Variants in DCAF17 observed in about 807,000 individuals in gnomAD.
DCAF17 encodes the protein DDB1 and CUL4 associated factor 17.
Under a neutral mutation model 66.0 loss-of-function variants are expected in DCAF17, and 48 were observed. The observed-to-expected ratio is 0.73, with a 90% CI of 0.58 to 0.92. The LOEUF is 0.92. Among genes scored for constraint, DCAF17 ranks in the 40% least tolerant of loss-of-function variants. The probability of loss-of-function intolerance (pLI) is 0.00; values close to 1 mark genes in which losing one functional copy is unlikely to be tolerated. For missense variants in DCAF17, 562 were observed against 622.8 expected, an observed-to-expected ratio of 0.90 and a Z score of 1.04; for synonymous variants, 206 against 214.6, an observed-to-expected ratio of 0.96 and a Z score of 0.35.
intron 8 of DCAF17, among the ~76,000 whole-genome samples, chr2:171,467,727 C>CAAA (rs34238683): frequency 4.4e-5 from 3 of 68,740 alleles, no homozygotes; most frequent in African/African-American, 5.8e-5. Context: ...GAGACTGTCT[C>CAAA]AAAAAAAAAA....
rs1440949713 is a variant in DCAF17, at chr2:171,482,454, C to G, written c.*1340C>G. On this transcript the variant is annotated 3_prime_UTR_variant, in exon 14 of 14. Coordinates refer to ENST00000375255, the MANE Select transcript of DCAF17 (RefSeq NM_025000.4). ...GGTGCTAGACATTGCCCCATACTTT[C>G]AATTAGACACTAGCTGTATCTAAAT... The G allele has an allele frequency of 4.4e-6, 2 of 453,838 alleles. No homozygotes were observed. The highest frequency in any genetic ancestry group is 3.1e-5 in the South Asian group (2 of 64,464). 28.1% of individuals were successfully genotyped at this position (453,838 alleles called of 1,614,324 possible). A position where few individuals can be genotyped will look rare whatever the true frequency, so the allele number is the denominator to read the frequency against.
intron 12 of DCAF17, 41 bp downstream of exon 12, chr2:171,478,111 C>G (rs753909220): frequency 2.0e-6 from 3 of 1,520,420 alleles, no homozygotes; most frequent in Non-Finnish European, 2.7e-6. Flanking sequence ...ACCAGTGTGT[C>G]CTTGCATTGT....
intron 2 of DCAF17, among the ~76,000 whole-genome samples, chr2:171,440,546 C>T (rs1694248465): frequency 6.6e-6 from 1 of 152,154 alleles, no homozygotes; most frequent in Non-Finnish European, 1.5e-5. Context: ...TGCACTCCAG[C>T]CTGAGCAACA....
chr2:171,434,362 C>T lies in DCAF17; in HGVS notation c.-216C>T. 1.2e-6 allele frequency: 1 copy of T among 805,086 alleles called. No individual in the cohort carries two copies. The highest frequency in any genetic ancestry group is 2.8e-5 in the East Asian group (1 of 35,706). 49.9% of individuals were successfully genotyped at this position (805,086 alleles called of 1,614,324 possible). On this transcript the variant is annotated 5_prime_UTR_variant, in exon 1 of 14. Coordinates refer to ENST00000375255, the MANE Select transcript of DCAF17 (RefSeq NM_025000.4). ...GGGGCAGATCGAAAAGGGAGTGCTTCTTCCCTTCTCTCCGCGCTCTGGCGG... is the reference window on the plus strand; with the variant it reads ...GGGGCAGATCGAAAAGGGAGTGCTTTTTCCCTTCTCTCCGCGCTCTGGCGG...
intron 8 of DCAF17, among the ~76,000 whole-genome samples, chr2:171,466,069 G>A (rs1314021550): frequency 6.6e-6 from 1 of 151,964 alleles, no homozygotes; most frequent in African/African-American, 2.4e-5. Flanking sequence ...TTGCCATGTT[G>A]CCCAGGCTGG....
At chr2:171,439,163 T>G (rs887295875) in intron 2 of DCAF17, among the ~76,000 whole-genome samples, 2 of 152,178 alleles carry the variant, frequency 1.3e-5, no homozygotes, top group Non-Finnish European at 2.9e-5. Flanking sequence ...TCACTTTTGA[T>G]TTTCTGCAGT....
At chr2:171,439,135 T>G (rs1428267657) in intron 2 of DCAF17, among the ~76,000 whole-genome samples, 4 of 152,146 alleles carry the variant, frequency 2.6e-5, no homozygotes, top group African/African-American at 9.7e-5. Flanking sequence ...TCATCTGGCT[T>G]CTTTCAAGAT....
chr2:171,463,800 G>T (rs972470279), intron 8 of DCAF17, among the ~76,000 whole-genome samples: 1 of 152,070 alleles, frequency 6.6e-6, no homozygotes, highest in South Asian at 2.1e-4. Flanking sequence ...TCAATAGCTG[G>T]CATTTTTCTA....
Position 171,450,080 on chromosome 2 carries a change from C to T in DCAF17, c.537+123C>T, listed in dbSNP as rs150892636. ...AGCATGCTGTAAAAGATAGGATTCA[C>T]GGCAACCTGGATGGGATCGGAGACC... On this transcript the variant is annotated intron_variant, in intron 5 of 13. Coordinates refer to ENST00000375255, the MANE Select transcript of DCAF17 (RefSeq NM_025000.4). 662 of 824,724 alleles carry T rather than the reference C, an allele frequency of 8.0e-4. 5 individuals carry two copies. In the African/African-American group the frequency reaches 9.9e-3, roughly 12 times the overall value. 51.1% of individuals were successfully genotyped at this position (824,724 alleles called of 1,614,324 possible).
At chr2:171,458,925 G>C (rs944137291) in intron 8 of DCAF17, among the ~76,000 whole-genome samples, 4 of 152,074 alleles carry the variant, frequency 2.6e-5, no homozygotes, top group Non-Finnish European at 5.9e-5. Context: ...TATACTTAAA[G>C]AGTGCCAAAT....
intron 3 of DCAF17, among the ~76,000 whole-genome samples, chr2:171,444,051 C>G (rs1694474198): frequency 6.6e-6 from 1 of 151,972 alleles, no homozygotes; most frequent in Non-Finnish European, 1.5e-5. Flanking sequence ...ATAAGGCTAG[C>G]TTTGCCTGGG....
chr2:171,452,547 G>A (rs1574349194), intron 5 of DCAF17, among the ~76,000 whole-genome samples: 1 of 152,070 alleles, frequency 6.6e-6, no homozygotes, highest in Non-Finnish European at 1.5e-5. Flanking sequence ...TCAAACTCCC[G>A]GGCTGAAGTG....
intron 12 of DCAF17, 80 bp from the exon 13 acceptor site, chr2:171,479,958 A>G: frequency 5.3e-6 from 8 of 1,498,092 alleles, no homozygotes; most frequent in Non-Finnish European, 7.4e-6. Flanking sequence ...TAGAATACTT[A>G]AACTATAAAT....
At chr2:171,448,569 G>C in intron 3 of DCAF17, 112 bp from the exon 4 acceptor site, 1 of 944,118 alleles carries the variant, frequency 1.1e-6, no homozygotes, top group East Asian at 2.7e-5. Context: ...TCTTTCTTTT[G>C]TGGTTTATTT....
chr2:171,464,195 A>C (rs975640720), intron 8 of DCAF17, among the ~76,000 whole-genome samples: 1 of 152,194 alleles, frequency 6.6e-6, no homozygotes, highest in Non-Finnish European at 1.5e-5. Flanking sequence ...TTATTAGAGA[A>C]CGTCATTAGA....
chr2:171,449,173 A>G (rs964729900), intron 4 of DCAF17, among the ~76,000 whole-genome samples: 17 of 152,022 alleles, frequency 1.1e-4, no homozygotes, highest in African/African-American at 4.1e-4. Context: ...ATGCCCAGCT[A>G]CTTTTTGTAT....
rs1469126000 is a variant in DCAF17 at position 171,483,372 on chromosome 2, C to T, written c.*2258C>T. The T allele has an allele frequency of 2.2e-6, 1 of 454,132 alleles. No individual in the cohort carries two copies. The allele number at this position is 454,132 out of a possible 1,614,324, so 28.1% of individuals were successfully genotyped here. On this transcript the variant is annotated 3_prime_UTR_variant, in exon 14 of 14. Transcript: ENST00000375255. ...GTGTTTAATGCAAGCCCAGGTGAAG[C>T]AGGGTAGCTTCCATCAGCAGGTACA...
At chr2:171,442,808 A>G (rs990272434) in intron 2 of DCAF17, among the ~76,000 whole-genome samples, 3 of 151,938 alleles carry the variant, frequency 2.0e-5, no homozygotes, top group Non-Finnish European at 4.4e-5. Flanking sequence ...TGAGCCTGGG[A>G]GGTGGAGGTT....
At chr2:171,467,273 A>G (rs75774601) in intron 8 of DCAF17, among the ~76,000 whole-genome samples, 2,926 of 152,294 alleles carry the variant, frequency 0.019, 88 homozygotes, top group African/African-American at 0.066. Context: ...GAAAAAATTA[A>G]GAAAAAGGTA....
Sources: gnomAD v4.1 joint callset for allele counts (sites outside exome capture counted in the v4.1 genomes callset) on GRCh38, gnomAD v4.1.1 for gene constraint, MANE v1.5 for transcripts, NCBI Gene and HGNC (gene_info 2026-07-23, HGNC 2026-07-21) for gene names.